NKAIN3: variants seen among roughly 807,000 people sequenced by gnomAD.
NKAIN3 encodes sodium/potassium transporting ATPase interacting 3.
A neutral mutation model predicts 30.2 loss-of-function variants in NKAIN3; 25 were observed. The observed-to-expected ratio is 0.83, with a 90% CI of 0.60 to 1.16. The LOEUF is 1.16. Ranked by LOEUF, NKAIN3 falls within the 50% of genes most tolerant of loss-of-function variation. The pLI is 0.00. For missense variants in NKAIN3, 225 were observed against 254.1 expected, an observed-to-expected ratio of 0.89 and a Z score of 0.78; for synonymous variants, 91 against 89.6, an observed-to-expected ratio of 1.02 and a Z score of -0.09.
intron 1 of NKAIN3, among the ~76,000 whole-genome samples, chr8:62,333,386 T>G (rs1298685302): frequency 1.3e-5 from 2 of 152,094 alleles, no homozygotes; most frequent in African/African-American, 4.8e-5. Flanking sequence ...ATCGGCCAAA[T>G]GAACACAATC....
intron 1 of NKAIN3, among the ~76,000 whole-genome samples, chr8:62,337,394 A>C (rs1331328744): frequency 2.0e-5 from 3 of 151,984 alleles, no homozygotes; most frequent in Non-Finnish European, 4.4e-5. Flanking sequence ...CTTACATTAT[A>C]ATTGGAAACA....
At chr8:62,575,104 C>T (rs1362972272) in intron 1 of NKAIN3, among the ~76,000 whole-genome samples, 1 of 151,806 alleles carries the variant, frequency 6.6e-6, no homozygotes, top group Non-Finnish European at 1.5e-5. Context: ...CAGCATAGTA[C>T]CAGAAGTACT....
At chr8:62,955,820 G>A (rs1823404557) in intron 6 of NKAIN3, among the ~76,000 whole-genome samples, 1 of 152,132 alleles carries the variant, frequency 6.6e-6, no homozygotes, top group Admixed American at 6.6e-5. Context: ...CACCTAAAAG[G>A]CTTTGATCAA....
intron 3 of NKAIN3, among the ~76,000 whole-genome samples, chr8:62,709,010 A>T (rs2882926): frequency 0.86 from 130,424 of 152,172 alleles, 56,052 homozygotes; most frequent in Admixed American, 0.89. Context: ...TTCTGTTTAC[A>T]TGGTGTATCC....
chr8:62,699,815 T>G (rs1455717012), intron 3 of NKAIN3, among the ~76,000 whole-genome samples: 3 of 152,216 alleles, frequency 2.0e-5, no homozygotes, highest in African/African-American at 7.2e-5. Flanking sequence ...AAAAAATAAG[T>G]AACCAATGAA....
At chr8:62,331,140 C>T (rs1339327927) in intron 1 of NKAIN3, among the ~76,000 whole-genome samples, 1 of 150,074 alleles carries the variant, frequency 6.7e-6, no homozygotes, top group Non-Finnish European at 1.5e-5. Context: ...CCTCCCTCCT[C>T]TTCCACCCCC....
chr8:62,669,352 G>C (rs546737283), intron 3 of NKAIN3, among the ~76,000 whole-genome samples: 1 of 151,900 alleles, frequency 6.6e-6, no homozygotes, highest in Non-Finnish European at 1.5e-5. Context: ...TAAACCTCCC[G>C]CACTCCTAAC....
intron 1 of NKAIN3, among the ~76,000 whole-genome samples, chr8:62,551,559 C>A (rs893212287): frequency 6.6e-6 from 1 of 152,202 alleles, no homozygotes; most frequent in African/African-American, 2.4e-5. Context: ...GGGCTCGCCC[C>A]TGACTTACAA....
chr8:62,560,347 A>AT (rs1165434028), intron 1 of NKAIN3, among the ~76,000 whole-genome samples: 1 of 151,918 alleles, frequency 6.6e-6, no homozygotes, highest in African/African-American at 2.4e-5. Flanking sequence ...TTCCTCAGGT[A>AT]TTTTTTAGCC....
intron 2 of NKAIN3, among the ~76,000 whole-genome samples, chr8:62,585,877 C>T (rs187583370): frequency 7.2e-5 from 11 of 152,206 alleles, no homozygotes; most frequent in Admixed American, 2.6e-4. Flanking sequence ...GTTTACTCCT[C>T]GGTCAAATAT....
At chr8:62,513,774 G>A (rs181690948) in intron 1 of NKAIN3, among the ~76,000 whole-genome samples, 67 of 149,578 alleles carry the variant, frequency 4.5e-4, no homozygotes, top group Admixed American at 1.5e-3. Flanking sequence ...GGGAGGCTGA[G>A]GTGGGAGTAT....
intron 1 of NKAIN3, among the ~76,000 whole-genome samples, chr8:62,532,812 G>A (rs1808529177): frequency 6.6e-6 from 1 of 152,170 alleles, no homozygotes. Flanking sequence ...TTTACGCATG[G>A]ATCGAGTAGT....
chr8:62,283,846 T>A (rs1438960781), intron 1 of NKAIN3, among the ~76,000 whole-genome samples: 2 of 152,164 alleles, frequency 1.3e-5, no homozygotes, highest in Admixed American at 1.3e-4. Flanking sequence ...TCTTGTATAC[T>A]TTCAAAAAAT....
chr8:62,274,035 T>C (rs1044876820), intron 1 of NKAIN3, among the ~76,000 whole-genome samples: 11 of 152,346 alleles, frequency 7.2e-5, no homozygotes, highest in African/African-American at 2.6e-4. Flanking sequence ...TATTTGGGTA[T>C]TCTTTTTCTA....
chr8:62,289,094 A>AT (rs1313197474), intron 1 of NKAIN3, among the ~76,000 whole-genome samples: 6 of 151,508 alleles, frequency 4.0e-5, no homozygotes, highest in Non-Finnish European at 8.9e-5. Flanking sequence ...GGGTTGTTTG[A>AT]TTTTTTCTTG....
intron 4 of NKAIN3, among the ~76,000 whole-genome samples, chr8:62,751,840 G>A (rs980125509): frequency 3.3e-5 from 5 of 149,514 alleles, no homozygotes; most frequent in African/African-American, 1.0e-4. Flanking sequence ...GTGTGTGTGT[G>A]TATGTGTTAC....
At chr8:62,478,160 G>GTTA (rs141184711) in intron 1 of NKAIN3, among the ~76,000 whole-genome samples, 17 of 151,316 alleles carry the variant, frequency 1.1e-4, no homozygotes, top group African/African-American at 2.4e-4. Flanking sequence ...ACTGATAGGA[G>GTTA]TTATTATTAT....
intron 3 of NKAIN3, among the ~76,000 whole-genome samples, chr8:62,743,739 C>T (rs1815982331): frequency 6.6e-6 from 1 of 152,114 alleles, no homozygotes; most frequent in Non-Finnish European, 1.5e-5. Context: ...CAGATGGAGA[C>T]TATCTCAAAA....
intron 3 of NKAIN3, among the ~76,000 whole-genome samples, chr8:62,610,845 G>A (rs1013283146): frequency 6.6e-6 from 1 of 152,050 alleles, no homozygotes; most frequent in Admixed American, 6.6e-5. Flanking sequence ...ATACAGAAGG[G>A]GTTGGTTGAA....
Sources: gnomAD v4.1 joint callset for allele counts (sites outside exome capture counted in the v4.1 genomes callset) on GRCh38, gnomAD v4.1.1 for gene constraint, MANE v1.5 for transcripts, NCBI Gene and HGNC (gene_info 2026-07-23, HGNC 2026-07-21) for gene names.